Variants in AKAP7 observed in about 807,000 individuals in gnomAD.
AKAP7 encodes A-kinase anchoring protein 7, also known as A kinase (PRKA) anchor protein 7.
AKAP7 carries 39 observed loss-of-function variants against 39.5 expected under a neutral mutation model. The observed-to-expected ratio is 0.99, with a 90% CI of 0.76 to 1.29. The LOEUF (loss-of-function observed/expected upper bound fraction) is 1.29. AKAP7 is among the 50% of genes most tolerant of loss of function. AKAP7 has a pLI of 0.00. For synonymous variants in AKAP7, 140 were observed against 139.1 expected, an observed-to-expected ratio of 1.01 and a Z score of -0.05; for missense variants, 414 against 407.7, an observed-to-expected ratio of 1.02 and a Z score of -0.13.
Position 131,282,510 on chromosome 6 carries a change from C to G in AKAP7, c.*784C>G. The G allele has an allele frequency of 2.0e-6, 3 of 1,535,782 alleles. No homozygotes were observed. The highest frequency in any genetic ancestry group is 2.6e-6 in the Non-Finnish European group (3 of 1,146,772). On this transcript the variant is annotated 3_prime_UTR_variant, in exon 8 of 8. Transcript: ENST00000431975. ...AAGGAACTTTTATTAAAGCCTGAGA[C>G]TCAGGCCAGAATTAGGAGGGAGCTT... is the stretch of plus-strand genomic sequence containing the variant.
At chr6:131,244,916 CTT>C (rs34502331) in intron 7 of AKAP7, among the ~76,000 whole-genome samples, 2 of 152,064 alleles carry the variant, frequency 1.3e-5, no homozygotes, top group South Asian at 4.1e-4. Context: ...ATACCTATAA[CTT>C]TTAGTTTTAG....
At chr6:131,212,143 A>C (rs1808724951) in intron 6 of AKAP7, among the ~76,000 whole-genome samples, 1 of 152,228 alleles carries the variant, frequency 6.6e-6, no homozygotes, top group African/African-American at 2.4e-5. Context: ...CACACGTCGT[A>C]AAGTTGAAAT....
At chr6:131,131,385 G>A (rs1433409007), upstream of AKAP7, among the ~76,000 whole-genome samples, 2 of 151,992 alleles carry the variant, frequency 1.3e-5, no homozygotes, top group South Asian at 2.1e-4. Context: ...TCAAGATGGC[G>A]CCACTCTTGC....
intron 5 of AKAP7, among the ~76,000 whole-genome samples, chr6:131,171,175 A>AG (rs1804007752): frequency 6.6e-6 from 1 of 152,216 alleles, no homozygotes; most frequent in African/African-American, 2.4e-5. Flanking sequence ...GGAAAAAAAA[A>AG]AGATCCTTTT....
At position 131,186,382 on chromosome 6, in the gene AKAP7, G is replaced by C. The variant is rs552193076; in HGVS notation, c.590-13079G>C. On this transcript the variant is annotated intron_variant, in intron 5 of 7. Transcript: ENST00000431975. ...TGCTTCCTGTACAGCCTGCAGAACT[G>C]TGAGCCAATTAAAGTCTCTTTTCTT... 1.2e-4 allele frequency among the ~76,000 whole-genome samples: 19 copies of C among 152,226 alleles called. No homozygotes were observed. In the South Asian group the frequency reaches 3.7e-3, roughly 30 times the overall value.
rs34120369 is a variant in AKAP7, at chr6:131,158,915, T to TAA, written c.152-1131_152-1130dup. 3.5e-3 allele frequency among the ~76,000 whole-genome samples: 509 copies of TAA among 146,120 alleles called. 4 individuals are homozygous for TAA. Among genetic ancestry groups the TAA allele is most frequent in the African/African-American group, 0.012 (464 of 39,798 alleles). On this transcript the variant is annotated intron_variant, in intron 2 of 7. Transcript: ENST00000431975. ...ATATGGAAGCCCTGATAGAATCTGT[T>TAA]AAAAAAAAAAAAAAGATGATGGCAT...
chr6:131,202,991 T>C (rs1374040744), intron 6 of AKAP7, among the ~76,000 whole-genome samples: 1 of 152,164 alleles, frequency 6.6e-6, no homozygotes, highest in Non-Finnish European at 1.5e-5. Flanking sequence ...GATTTAGAGA[T>C]GGACCTAGGA....
chr6:131,265,566 C>T (rs184916924), intron 7 of AKAP7, among the ~76,000 whole-genome samples: 3 of 152,200 alleles, frequency 2.0e-5, no homozygotes, highest in Admixed American at 2.0e-4. Flanking sequence ...GGATTCCAGC[C>T]CAGGTAATCC....
intron 3 of AKAP7, 148 bp downstream of exon 3, chr6:131,160,346 T>C (rs1042738802): frequency 2.7e-5 from 22 of 818,900 alleles, no homozygotes; most frequent in Non-Finnish European, 3.5e-5. Context: ...TCTGTTTAAG[T>C]AATAGAAATG....
rs187074876 is a variant in AKAP7 at position 131,184,289 on chromosome 6, G to A, written c.589+15016G>A. The A allele has an allele frequency of 1.0e-4, 58 of 554,672 alleles. 2 individuals are homozygous for A. Among genetic ancestry groups the A allele is most frequent in the African/African-American group, 6.7e-4 (35 of 52,238 alleles). The allele number at this position is 554,672 out of a possible 1,614,324, so 34.4% of individuals were successfully genotyped here. On this transcript the variant is annotated intron_variant, in intron 5 of 7. Coordinates refer to ENST00000431975, the MANE Select transcript of AKAP7 (RefSeq NM_016377.4). ...AAAAATGAAGTGGAGGAGAGAAACA[G>A]CCTTAGATATGTCGGGGAGCAGGGG...
At chr6:131,279,311 C>T (rs1316627944) in intron 7 of AKAP7, among the ~76,000 whole-genome samples, 2 of 152,150 alleles carry the variant, frequency 1.3e-5, no homozygotes, top group Non-Finnish European at 2.9e-5. Context: ...ACTCTGTCAC[C>T]AGGCCGGAGT....
At chr6:131,201,335 T>TGGTG (rs1585075566) in intron 6 of AKAP7, among the ~76,000 whole-genome samples, 2 of 152,048 alleles carry the variant, frequency 1.3e-5, no homozygotes, top group East Asian at 3.9e-4. Context: ...GGGCACAGAG[T>TGGTG]GGTGATCAAA....
chr6:131,246,075 G>C (rs972829298), intron 7 of AKAP7, among the ~76,000 whole-genome samples: 1 of 147,398 alleles, frequency 6.8e-6, no homozygotes, highest in African/African-American at 2.6e-5. Context: ...ACTTTTCCAT[G>C]AGGTTTCTCA....
Position 131,160,160 on chromosome 6 carries a change from C to T in AKAP7, c.253C>T (p.Pro85Ser). ...GAAAAAAAAGAGAAAAGATTATCAA[C>T]CCAACTATTTCCTGTCCATTCCAAT... ...KRKKKRKDYQ[P>S]NYFLSIPITN... Residue 85 changes from proline (P) to serine (S), a missense_variant, in exon 3 of 8, where the codon CCC (proline) becomes TCC (serine). Physicochemically the swap from Pro to Ser is moderately conservative, Grantham distance 74 (BLOSUM62 -1). Transcript: ENST00000431975. The T allele has an allele frequency of 1.2e-6, 2 of 1,611,904 alleles. No homozygotes were observed. The highest frequency in any genetic ancestry group is 1.7e-6 in the Non-Finnish European group (2 of 1,179,488).
At chr6:131,229,640 G>A (rs1160517716) in intron 7 of AKAP7, among the ~76,000 whole-genome samples, 2 of 152,140 alleles carry the variant, frequency 1.3e-5, no homozygotes, top group South Asian at 4.1e-4. Flanking sequence ...TTACAGGTGT[G>A]AGCCACCATG....
intron 7 of AKAP7, chr6:131,250,073 A>G: frequency 2.7e-6 from 2 of 733,618 alleles, no homozygotes; most frequent in South Asian, 1.2e-4. Flanking sequence ...CATAAACCAC[A>G]ATCTCCTAGG....
chr6:131,260,154 A>G (rs1410897093), intron 7 of AKAP7, among the ~76,000 whole-genome samples: 4 of 152,134 alleles, frequency 2.6e-5, no homozygotes, highest in African/African-American at 7.2e-5. Flanking sequence ...TTAAGGCTGC[A>G]TAGTATTCCA....
the AKAP7 span, among the ~76,000 whole-genome samples, chr6:131,128,224 G>A: frequency 3.3e-5 from 5 of 152,200 alleles, no homozygotes; most frequent in Admixed American, 2.6e-4. Context: ...AAAGGTAAAC[G>A]ATTTAGAAGA....
chr6:131,169,335 T>A (rs535133610), intron 5 of AKAP7, 62 bp downstream of exon 5: 1 of 1,551,658 alleles, frequency 6.4e-7, no homozygotes, highest in Admixed American at 1.9e-5. Flanking sequence ...TTTTCAATTT[T>A]GTAACAGAGA....
Sources: gnomAD v4.1 joint callset for allele counts (sites outside exome capture counted in the v4.1 genomes callset) on GRCh38, gnomAD v4.1.1 for gene constraint, MANE v1.5 for transcripts, NCBI Gene and HGNC (gene_info 2026-07-23, HGNC 2026-07-21) for gene names.